R3HDM1: variants seen among roughly 807,000 people sequenced by gnomAD.
The protein encoded by R3HDM1 is R3H domain-containing protein 1.
R3HDM1 carries 46 observed loss-of-function variants against 141.1 expected under a neutral mutation model. That is an observed-to-expected ratio of 0.33 (90% CI 0.26 to 0.42). The LOEUF (loss-of-function observed/expected upper bound fraction) is 0.42, where lower values mean the gene tolerates loss of function less well. R3HDM1 is among the 10% of genes least tolerant of loss of function. The pLI is 1.00. For missense variants in R3HDM1, 1,184 were observed against 1,368.3 expected (o/e 0.87, Z 2.12); for synonymous variants, 435 against 472.9 (o/e 0.92, Z 1.04).
At chr2:135,680,488 G>A (rs540337784) in intron 21 of R3HDM1, among the ~76,000 whole-genome samples, 164 bp downstream of exon 21, 5 of 152,212 alleles carry the variant, frequency 3.3e-5, no homozygotes, top group African/African-American at 9.6e-5. Flanking sequence ...TATTTCTTTC[G>A]GCTAGGTACG....
chr2:135,680,460 A>G (rs2070075403), intron 21 of R3HDM1, 136 bp downstream of exon 21: 2 of 987,112 alleles, frequency 2.0e-6, no homozygotes, highest in Middle Eastern at 4.6e-4. Flanking sequence ...AAACTATAAT[A>G]CAGTATACTT....
chr2:135,562,687 T>C (rs1281792239), intron 1 of R3HDM1, among the ~76,000 whole-genome samples: 4 of 152,322 alleles, frequency 2.6e-5, no homozygotes, highest in African/African-American at 9.6e-5. Context: ...GTTGAACTTA[T>C]TTTAAGTGGC....
At chr2:135,578,390 G>T (rs548797854) in intron 1 of R3HDM1, among the ~76,000 whole-genome samples, 1 of 152,276 alleles carries the variant, frequency 6.6e-6, no homozygotes, top group South Asian at 2.1e-4. Flanking sequence ...ATGAGAATGG[G>T]GTAGAAAGAT....
At chr2:135,535,948 C>G (rs1696007941) in intron 1 of R3HDM1, among the ~76,000 whole-genome samples, 1 of 152,108 alleles carries the variant, frequency 6.6e-6, no homozygotes, top group South Asian at 2.1e-4. Context: ...TTTCCCTCAT[C>G]TTACCCATTC....
chr2:135,659,772 T>C (rs2066453450), intron 18 of R3HDM1, among the ~76,000 whole-genome samples: 2 of 152,324 alleles, frequency 1.3e-5, no homozygotes, highest in South Asian at 4.1e-4. Context: ...TAGTTAAAAA[T>C]ATTGTAAATA....
At chr2:135,613,748 G>A (rs1439049072) in intron 3 of R3HDM1, among the ~76,000 whole-genome samples, 2 of 152,240 alleles carry the variant, frequency 1.3e-5, no homozygotes, top group South Asian at 2.1e-4. Context: ...CCTGGGAGGC[G>A]GAAGTTGCAG....
chr2:135,572,148 G>A (rs1243842931), intron 1 of R3HDM1, among the ~76,000 whole-genome samples: 1 of 152,086 alleles, frequency 6.6e-6, no homozygotes, highest in East Asian at 1.9e-4. Context: ...TGTAGAGACA[G>A]AGTTTCACCG....
intron 1 of R3HDM1, among the ~76,000 whole-genome samples, chr2:135,597,786 C>A (rs952969589): frequency 2.6e-5 from 4 of 152,008 alleles, no homozygotes; most frequent in African/African-American, 9.7e-5. Context: ...AATATTTTTA[C>A]CTATAGGAGC....
chr2:135,677,662 A>G (rs1332861175), intron 20 of R3HDM1, among the ~76,000 whole-genome samples: 6 of 152,078 alleles, frequency 3.9e-5, no homozygotes, highest in African/African-American at 1.2e-4. Context: ...TTATTTTCTC[A>G]TTGTATTTAA....
intron 1 of R3HDM1, among the ~76,000 whole-genome samples, chr2:135,558,569 TG>T (rs1219938951): frequency 6.6e-6 from 1 of 152,210 alleles, no homozygotes; most frequent in Admixed American, 6.5e-5. Context: ...AGCATTTAAG[TG>T]TTAGTCTTTA....
At chr2:135,660,903 T>G (rs576120065) in intron 18 of R3HDM1, among the ~76,000 whole-genome samples, 1 of 151,422 alleles carries the variant, frequency 6.6e-6, no homozygotes, top group Admixed American at 6.6e-5. Context: ...AATAGATATA[T>G]AGTAAATAGA....
intron 6 of R3HDM1, chr2:135,621,916 A>G (rs2105179216): frequency 4.1e-6 from 4 of 980,256 alleles, no homozygotes; most frequent in Non-Finnish European, 4.8e-6. Flanking sequence ...TAAGGATACT[A>G]TCACTCTTGA....
At chr2:135,533,833 A>G (rs1695475268) in intron 1 of R3HDM1, 1 of 243,436 alleles carries the variant, frequency 4.1e-6, no homozygotes, top group African/African-American at 2.3e-5. Context: ...AGATCAGGCC[A>G]TTGAACTCCA....
chr2:135,656,513 C>T (rs1053340954), intron 18 of R3HDM1: 1 of 151,548 alleles, frequency 6.6e-6, no homozygotes, highest in South Asian at 2.1e-4. Context: ...CCGTGTCATC[C>T]TTGTGCAGGG....
rs200311552 is a variant in R3HDM1 at position 135,638,598 on chromosome 2, G to A, written c.904-20G>A. 6.3e-6 allele frequency: 10 copies of A among 1,595,848 alleles called. No homozygotes were observed. Among genetic ancestry groups the A allele is most frequent in the Middle Eastern group, 1.9e-4 (1 of 5,142 alleles). On this transcript the variant is annotated intron_variant, in intron 11 of 26. Coordinates refer to ENST00000683871, the MANE Select transcript of R3HDM1 (RefSeq NM_001378107.1). ...ATATTTGACAAAAGCTCAACTTTTT[G>A]TATCTATTCTTTTTTCTAGTCCCTG...
intron 20 of R3HDM1, 77 bp from the exon 21 acceptor site, chr2:135,680,096 A>T: frequency 7.1e-7 from 1 of 1,411,732 alleles, no homozygotes. Context: ...AATAAAGTTT[A>T]TGGAGGTTGA....
chr2:135,568,404 C>T (rs1311492183), intron 1 of R3HDM1, among the ~76,000 whole-genome samples: 1 of 151,288 alleles, frequency 6.6e-6, no homozygotes, highest in African/African-American at 2.4e-5. Flanking sequence ...GGCTGGAGTG[C>T]AGTTGTGTAA....
intron 3 of R3HDM1, among the ~76,000 whole-genome samples, chr2:135,613,901 A>G (rs2060779276): frequency 6.6e-6 from 1 of 152,236 alleles, no homozygotes; most frequent in Non-Finnish European, 1.5e-5. Context: ...CTTGGGTGCC[A>G]TCTTTAGAAT....
At chr2:135,627,574 T>A (rs2062173556) in intron 7 of R3HDM1, among the ~76,000 whole-genome samples, 1 of 152,104 alleles carries the variant, frequency 6.6e-6, no homozygotes, top group African/African-American at 2.4e-5. Context: ...TTTGTGTTGC[T>A]TTTAGCCATA....
Sources: allele counts gnomAD v4.1 joint callset (sites outside exome capture counted in the v4.1 genomes callset), GRCh38; gene constraint gnomAD v4.1.1; transcripts MANE v1.5; gene names NCBI Gene and HGNC (gene_info 2026-07-23, HGNC 2026-07-21).